DTD1: variants seen among roughly 807,000 people sequenced by gnomAD.
DTD1 encodes D-aminoacyl-tRNA deacylase 1.
A neutral mutation model predicts 25.6 loss-of-function variants in DTD1; 13 were observed. The observed-to-expected ratio is 0.51, with a 90% CI of 0.33 to 0.81. The LOEUF (loss-of-function observed/expected upper bound fraction) is 0.81, where lower values mean the gene tolerates loss of function less well. Among genes scored for constraint, DTD1 ranks in the 30% least tolerant of loss-of-function variants. The pLI is 0.02. For synonymous variants in DTD1, 110 were observed against 103.6 expected (o/e 1.06, Z -0.37); for missense variants, 193 against 266.4 (o/e 0.72, Z 1.92).
chr20:18,653,323 G>A (rs2060880633), intron 4 of DTD1, among the ~76,000 whole-genome samples: 1 of 152,170 alleles, frequency 6.6e-6, no homozygotes, highest in Admixed American at 6.5e-5. Context: ...GAGCGTGGGA[G>A]GTTGAGGCTG....
chr20:18,684,695 A>G (rs1260984799), intron 4 of DTD1, among the ~76,000 whole-genome samples: 1 of 152,178 alleles, frequency 6.6e-6, no homozygotes, highest in Non-Finnish European at 1.5e-5. Flanking sequence ...CCAGATTTCA[A>G]GGTGGTGATT....
intron 4 of DTD1, among the ~76,000 whole-genome samples, chr20:18,667,137 G>C (rs1020984169): frequency 6.6e-6 from 1 of 152,156 alleles, no homozygotes; most frequent in Non-Finnish European, 1.5e-5. Flanking sequence ...GATGCCAAAG[G>C]GATCTGTGTA....
At chr20:18,641,602 G>A (rs988608745) in intron 4 of DTD1, among the ~76,000 whole-genome samples, 4 of 151,934 alleles carry the variant, frequency 2.6e-5, no homozygotes, top group African/African-American at 9.7e-5. Flanking sequence ...TTTGATTTAC[G>A]TTTCTCTAAT....
At chr20:18,711,951 C>T (rs980124896) in intron 4 of DTD1, among the ~76,000 whole-genome samples, 2 of 151,882 alleles carry the variant, frequency 1.3e-5, no homozygotes, top group African/African-American at 4.8e-5. Context: ...TGCCTGTAAT[C>T]CCAGCTACAT....
intron 3 of DTD1, among the ~76,000 whole-genome samples, chr20:18,609,999 A>G (rs1362614193): frequency 6.6e-6 from 1 of 152,204 alleles, no homozygotes; most frequent in Non-Finnish European, 1.5e-5. Context: ...TGCTGCCAGC[A>G]TTGTTCTTCT....
intron 4 of DTD1, among the ~76,000 whole-genome samples, chr20:18,742,867 T>A (rs1161983729): frequency 6.6e-6 from 1 of 152,168 alleles, no homozygotes; most frequent in African/African-American, 2.4e-5. Context: ...GTGTCTTGGA[T>A]GTGGGGCAGG....
intron 3 of DTD1, among the ~76,000 whole-genome samples, chr20:18,601,498 CAAAAAA>C (rs1175102426): frequency 0.54 from 59,668 of 110,598 alleles, 13,636 homozygotes; most frequent in Middle Eastern, 0.6. Context: ...GACTCTGTCT[CAAAAAA>C]AAAAAAAAAA....
intron 4 of DTD1, among the ~76,000 whole-genome samples, chr20:18,635,469 C>T (rs2060803506): frequency 6.6e-6 from 1 of 152,234 alleles, no homozygotes; most frequent in African/African-American, 2.4e-5. Flanking sequence ...TCTGTCTGAG[C>T]ACCTGCTTTC....
At chr20:18,746,549 G>A (rs148230040) in intron 5 of DTD1, among the ~76,000 whole-genome samples, 2 of 151,900 alleles carry the variant, frequency 1.3e-5, no homozygotes, top group African/African-American at 4.8e-5. Flanking sequence ...AAAAAAATTA[G>A]CTGAGCATGG....
At chr20:18,657,332 A>G (rs1052928278) in intron 4 of DTD1, among the ~76,000 whole-genome samples, 1 of 152,232 alleles carries the variant, frequency 6.6e-6, no homozygotes, top group African/African-American at 2.4e-5. Context: ...ACATGCTGAA[A>G]AAAAACAAGG....
At chr20:18,704,093 G>A (rs966191578) in intron 4 of DTD1, among the ~76,000 whole-genome samples, 2 of 151,250 alleles carry the variant, frequency 1.3e-5, no homozygotes, top group Non-Finnish European at 2.9e-5. Context: ...CTCCGCCTCT[G>A]GGGTTCACGC....
At chr20:18,669,532 C>G (rs2060944273) in intron 4 of DTD1, among the ~76,000 whole-genome samples, 1 of 152,146 alleles carries the variant, frequency 6.6e-6, no homozygotes, top group Admixed American at 6.5e-5. Context: ...CTTTCTGTTC[C>G]TCATCTGTAA....
intron 4 of DTD1, chr20:18,632,550 T>C (rs1390814598): frequency 1.0e-6 from 1 of 985,316 alleles, no homozygotes; most frequent in Non-Finnish European, 1.2e-6. Flanking sequence ...ACAGCCAAAT[T>C]CTTTTTACTG....
chr20:18,599,373 G>C (rs548029642), intron 3 of DTD1, among the ~76,000 whole-genome samples: 5 of 151,860 alleles, frequency 3.3e-5, no homozygotes, highest in Non-Finnish European at 5.9e-5. Flanking sequence ...TGGGGTTTTG[G>C]CATGTTGGCC....
At chr20:18,704,050 G>C (rs1477477852) in intron 4 of DTD1, among the ~76,000 whole-genome samples, 1 of 148,604 alleles carries the variant, frequency 6.7e-6, no homozygotes, top group Non-Finnish European at 1.5e-5. Context: ...ACCTAGGCTA[G>C]AGTGCAGTGG....
At chr20:18,753,757 T>C (rs1009387531) in intron 5 of DTD1, among the ~76,000 whole-genome samples, 1 of 152,200 alleles carries the variant, frequency 6.6e-6, no homozygotes, top group African/African-American at 2.4e-5. Flanking sequence ...TTTTTCTCCA[T>C]GCTTGTTTTA....
At chr20:18,665,881 T>A (rs1168138255) in intron 4 of DTD1, among the ~76,000 whole-genome samples, 2 of 152,250 alleles carry the variant, frequency 1.3e-5, no homozygotes, top group Non-Finnish European at 2.9e-5. Context: ...AATAGAAATG[T>A]TGCTGAGAGT....
At chr20:18,722,994 A>T (rs1434449836) in intron 4 of DTD1, among the ~76,000 whole-genome samples, 1 of 152,272 alleles carries the variant, frequency 6.6e-6, no homozygotes, top group African/African-American at 2.4e-5. Context: ...AAATAAATAC[A>T]GAAGATTCCA....
At chr20:18,757,805 T>C (rs997155715) in intron 5 of DTD1, among the ~76,000 whole-genome samples, 1 of 152,182 alleles carries the variant, frequency 6.6e-6, no homozygotes, top group African/African-American at 2.4e-5. Flanking sequence ...TAGGGAGGAT[T>C]CCCTCTTTTT....
Sources: gnomAD v4.1 joint callset for allele counts (sites outside exome capture counted in the v4.1 genomes callset) on GRCh38, gnomAD v4.1.1 for gene constraint, MANE v1.5 for transcripts, NCBI Gene and HGNC (gene_info 2026-07-23, HGNC 2026-07-21) for gene names.